Variants in RYR1 observed in about 807,000 individuals in gnomAD.
The protein encoded by RYR1 is central core disease of muscle.
A neutral mutation model predicts 583.5 loss-of-function variants in RYR1; 342 were observed. The ratio of observed to expected loss-of-function variants is 0.59; its 90% confidence interval spans 0.54 to 0.64. The LOEUF (loss-of-function observed/expected upper bound fraction) is 0.64. Ranked by LOEUF, RYR1 falls within the 30% of genes least tolerant of loss-of-function variation. The pLI is 0.00. For missense variants in RYR1, 6,032 were observed against 6,917.2 expected (o/e 0.87, Z 4.54); for synonymous variants, 2,791 against 2,822.5 (o/e 0.99, Z 0.35).
chr19:38,450,570 G>A lies in RYR1; in HGVS notation c.1123-1194G>A, dbSNP rs1486519271. Among the ~76,000 whole-genome samples the A allele has an allele frequency of 2.6e-5, 4 of 152,080 alleles. No individual in the cohort carries two copies. In the South Asian group the frequency reaches 6.2e-4, roughly 24 times the overall value. ...GGGTTGAAATGCAGGGGGTTCCATGGTGAAATGCAGGGGGCTTTACAGATG... is the reference window on the plus strand; with the variant it reads ...GGGTTGAAATGCAGGGGGTTCCATGATGAAATGCAGGGGGCTTTACAGATG... On this transcript the variant is annotated intron_variant, in intron 11 of 105. Coordinates refer to ENST00000359596, the MANE Select transcript of RYR1 (RefSeq NM_000540.3).
In RYR1 at chr19:38,587,419, GAC is replaced by G. The variant is rs773663760; in HGVS notation, c.*4_*5del. The G allele has an allele frequency of 6.0e-5, 97 of 1,613,082 alleles. No homozygotes were observed. Among genetic ancestry groups the G allele is most frequent in the Non-Finnish European group, 8.1e-5 (96 of 1,179,274 alleles). ...AAGCAGTATGAGGACCAGCTTAGCT[GAC>G]ACACCCCCAGCTGGCCCTCCACCCC... On this transcript the variant is annotated stop_retained_variant and 3_prime_UTR_variant, in exon 106 of 106. Coordinates refer to ENST00000359596, the MANE Select transcript of RYR1 (RefSeq NM_000540.3).
chr19:38,556,206 G>A (rs1048587888), intron 89 of RYR1, among the ~76,000 whole-genome samples: 4 of 151,792 alleles, frequency 2.6e-5, no homozygotes, highest in African/African-American at 7.3e-5. Flanking sequence ...AAAGAGGACC[G>A]GCATGGTGGC....
At chr19:38,461,746 G>GGA (rs1055499477) in intron 20 of RYR1, among the ~76,000 whole-genome samples, 2 of 94,144 alleles carry the variant, frequency 2.1e-5, no homozygotes, top group Admixed American at 1.1e-4. Context: ...AAAAAGAAAG[G>GGA]GAGAGAGAGA....
rs532101469 is a variant in RYR1, at chr19:38,442,438, G to A, written c.255G>A (p.Val85=). 1.2e-6 allele frequency: 2 copies of A among 1,613,514 alleles called. No individual in the cohort carries two copies. Among genetic ancestry groups the A allele is most frequent in the East Asian group, 2.2e-5 (1 of 44,840 alleles). The change falls in exon 3 of 106, where the codon GTG becomes GTA. Residue 85 remains valine (V), a synonymous_variant. Coordinates refer to ENST00000359596, the MANE Select transcript of RYR1 (RefSeq NM_000540.3). ...RALQEMLANT[V]EAGVESSQGG... The stretch of plus-strand genomic sequence containing the variant: ...TGCAGGAGATGCTGGCTAACACGGT[G>A]GAGGCTGGCGTGGAGGTGAGGACCC...
intron 78 of RYR1, 60 bp from the exon 79 acceptor site, chr19:38,534,660 G>T: frequency 2.8e-6 from 4 of 1,444,216 alleles, no homozygotes; most frequent in South Asian, 1.2e-5. Context: ...GAGAATGTGA[G>T]GGGGAAAGGC....
chr19:38,485,708 T>G lies in RYR1; in HGVS notation c.5053T>G (p.Cys1685Gly), dbSNP rs774194681. The change falls in exon 34 of 106, where the codon TGC (cysteine) becomes GGC (glycine). Residue 1685 changes from cysteine (C) to glycine (G), a missense_variant. Physicochemically the swap from Cys to Gly is radical, Grantham distance 159. Around this residue, in one of 11 missense-constraint regions of RYR1, gnomAD observed 2,627 missense variants for 2,961.3 expected, o/e 0.89. Transcript: ENST00000359596. ...LGNNRVAHAL[C>G]SHVDQAQLLH... ...CAACAATCGCGTGGCGCACGCTCTG[T>G]GCAGCCACGTAGACCAAGCTCAGCT... The G allele has an allele frequency of 6.2e-7, 1 of 1,612,036 alleles. No individual in the cohort carries two copies.
chr19:38,478,317 G>T (rs1968844519), intron 30 of RYR1, 118 bp from the exon 31 acceptor site: 1 of 1,115,204 alleles, frequency 9.0e-7, no homozygotes, highest in Non-Finnish European at 1.3e-6. Context: ...TCTGCAGGCG[G>T]TGGGTGTTTG....
At position 38,485,927 on chromosome 19, in the gene RYR1, C is replaced by T; in HGVS notation, c.5272C>T (p.Pro1758Ser). 1 of 1,613,714 alleles carries T rather than the reference C, an allele frequency of 6.2e-7. No homozygotes were observed. The highest frequency in any genetic ancestry group is 8.5e-7 in the Non-Finnish European group (1 of 1,179,964). ...TGGAAGGAGCACAGAAAATGGTCACCCCCGGCATGGCCTGCCGGGAGTTGG... is the reference window on the plus strand; with the variant it reads ...TGGAAGGAGCACAGAAAATGGTCACTCCCGGCATGGCCTGCCGGGAGTTGG... ...PPGRSTENGH[P>S]RHGLPGVGVT... Residue 1758 changes from proline to serine, a missense_variant, in exon 34 of 106, where the codon CCC (proline) becomes TCC (serine). Pro to Ser is a moderately conservative substitution (Grantham distance 74). Coordinates refer to ENST00000359596, the MANE Select transcript of RYR1 (RefSeq NM_000540.3).
At position 38,585,933 on chromosome 19, in the gene RYR1, C is replaced by A; in HGVS notation, c.14804-5C>A. The A allele has an allele frequency of 1.2e-6, 2 of 1,613,890 alleles. No homozygotes were observed. Among genetic ancestry groups the A allele is most frequent in the Non-Finnish European group, 1.7e-6 (2 of 1,179,986 alleles). On this transcript the variant is annotated splice_polypyrimidine_tract_variant and splice_region_variant and intron_variant, in intron 102 of 105. Transcript: ENST00000359596. Reference sequence around the variant, plus strand: ...CGGGCACTGACTTGTGTCCTGCCACCCCAGGTCTGATCATCGACGCTTTTG... The same window carrying A: ...CGGGCACTGACTTGTGTCCTGCCACACCAGGTCTGATCATCGACGCTTTTG...
rs1568505698 is a variant in RYR1, at chr19:38,502,716, G to A, written c.7824G>A (p.Met2608Ile). 3.2e-6 allele frequency: 5 copies of A among 1,575,808 alleles called. No individual in the cohort carries two copies. The highest frequency in any genetic ancestry group is 3.4e-6 in the Non-Finnish European group (4 of 1,163,218). Residue 2608 changes from methionine (M) to isoleucine (I), a missense_variant, in exon 48 of 106, where the codon ATG (methionine) becomes ATA (isoleucine). Physicochemically the swap from Met to Ile is conservative, Grantham distance 10. This residue lies in a region of RYR1 where 250 missense variants were observed against 162.3 expected (regional missense o/e 1.54). Transcript: ENST00000359596. ...GTGACGTCATCGAGGACTGCCTCAT[G>A]TCGCTCTGCAGGTGGAGCGGGGCAG... ...AQRDVIEDCL[M>I]SLCRYIRPSM...
In RYR1 at chr19:38,461,797, G is replaced by A. The variant is rs534168276; in HGVS notation, c.2577+1206G>A. Among the ~76,000 whole-genome samples, 12 of 149,630 alleles carry A rather than the reference G, an allele frequency of 8.0e-5. No individual in the cohort carries two copies. The East Asian group carries it at 2.4e-3, about 29-fold the overall frequency. ...AGGCTGGGTGTGGTGGCTCATGCCT[G>A]TAATCTCAGCACTTTGGGAGGCTGA... On this transcript the variant is annotated intron_variant, in intron 20 of 105. Transcript: ENST00000359596.
rs371955808 is a variant in RYR1, at chr19:38,580,086, G to A, written c.14469G>A (p.Thr4823=). 89 of 1,614,056 alleles carry A rather than the reference G, an allele frequency of 5.5e-5. 1 individual carries two copies. The Admixed American group carries it at 1.4e-3, about 25-fold the overall frequency. The part of the protein sequence containing the change: ...HLLDIAMGVK[T]LRTILSSVTH... ...TGGACATCGCCATGGGGGTCAAGAC[G>A]CTGCGCACCATCCTGTCCTCTGTCA... Residue 4823 remains threonine, a synonymous_variant, in exon 100 of 106, where the codon ACG becomes ACA. Transcript: ENST00000359596.
intron 27 of RYR1, 95 bp from the exon 28 acceptor site, chr19:38,473,282 G>T: frequency 6.8e-7 from 1 of 1,464,922 alleles, no homozygotes; most frequent in Admixed American, 1.7e-5. Flanking sequence ...GGTGCACTAT[G>T]GCCTAATGGT....
chr19:38,453,733 G>A (rs1212975427), intron 13 of RYR1, among the ~76,000 whole-genome samples: 2 of 151,992 alleles, frequency 1.3e-5, no homozygotes, highest in East Asian at 3.9e-4. Context: ...AAGAGAGGAA[G>A]CCATGTGCAA....
rs767194734 is a variant in RYR1, at chr19:38,477,693, C to T, written c.4294-17C>T. 6.2e-7 allele frequency: 1 copy of T among 1,614,104 alleles called. No homozygotes were observed. Among genetic ancestry groups the T allele is most frequent in the Non-Finnish European group, 8.5e-7 (1 of 1,180,010 alleles). ...GACTTCCAGACTGACCACTAGTTCC[C>T]CTCCTTGTGTCACCAGTACTATTAC... On this transcript the variant is annotated splice_polypyrimidine_tract_variant and intron_variant, in intron 29 of 105. Transcript: ENST00000359596.
At chr19:38,507,855 C>T in intron 58 of RYR1, 28 bp downstream of exon 58, 1 of 1,425,680 alleles carries the variant, frequency 7.0e-7, no homozygotes, top group Non-Finnish European at 9.8e-7. Context: ...CCGCTTATGC[C>T]CGCCCCACCT....
Position 38,578,193 on chromosome 19 carries a change from T to C in RYR1, c.14353T>C (p.Phe4785Leu). 6.2e-7 allele frequency: 1 copy of C among 1,613,646 alleles called. No homozygotes were observed. The highest frequency in any genetic ancestry group is 8.5e-7 in the Non-Finnish European group (1 of 1,179,840). ...KYQIWKFGVI[F>L]TDNSFLYLGW... ...CCAGATCTGGAAGTTCGGGGTCATC[T>C]TCACAGACAACGTGAGCAGGGGCCC... Residue 4785 changes from phenylalanine (F) to leucine (L), a missense_variant, in exon 99 of 106, where the codon TTC becomes CTC. This residue lies in a region of RYR1 where 189 missense variants were observed against 350.3 expected (regional missense o/e 0.54). Transcript: ENST00000359596.
chr19:38,565,767 TG>T lies in RYR1; in HGVS notation c.13437+1del, dbSNP rs1198517150. The T allele has an allele frequency of 1.4e-6, 2 of 1,394,910 alleles. No homozygotes were observed. The highest frequency in any genetic ancestry group is 1.6e-5 in the South Asian group (1 of 62,654). 86.4% of individuals were successfully genotyped at this position (1,394,910 alleles called of 1,614,324 possible). ...PEGSPILKRK[L>X]GVDGVEEELP... is the part of the protein sequence containing the mutation. ...GGCTCTCCCATCCTCAAGAGGAAAT[TG>T]GGGGTGAGAGAGCAGGCGGGGTTTT... is the stretch of plus-strand genomic sequence containing the variant. On this transcript the variant is annotated frameshift_variant, in exon 91 of 106. Coordinates refer to ENST00000359596, the MANE Select transcript of RYR1 (RefSeq NM_000540.3). LOFTEE classifies it high-confidence loss of function. This position sits in a 1 kb window ranked among gnomAD's most constrained non-coding sequence, Gnocchi z 4.7.
chr19:38,471,287 G>A (rs1968406479), intron 27 of RYR1, among the ~76,000 whole-genome samples: 1 of 152,206 alleles, frequency 6.6e-6, no homozygotes, highest in Admixed American at 6.5e-5. Flanking sequence ...TCAGCACTGT[G>A]GGAAGCCAAG....
Sources: gnomAD v4.1 joint callset for allele counts (sites outside exome capture counted in the v4.1 genomes callset) on GRCh38, gnomAD v4.1.1 for gene constraint, gnomAD v4.1.1 regional missense constraint, Gnocchi (gnomAD v3.1) non-coding constraint, MANE v1.5 for transcripts, NCBI Gene and HGNC (gene_info 2026-07-23, HGNC 2026-07-21) for gene names.